The following WWOX variants were observed in gnomAD, a reference collection of about 807,000 sequenced individuals.
The protein encoded by WWOX is WW domain-containing oxidoreductase.
In WWOX, 69 loss-of-function variants were observed where a neutral mutation model predicts 46.2. That is an observed-to-expected ratio of 1.49 (90% CI 1.23 to 1.82). The LOEUF is 1.82. WWOX is among the 40% of genes most tolerant of loss of function. The pLI is 0.00. For missense variants in WWOX, 919 were observed against 542.6 expected (o/e 1.69, Z -6.89); for synonymous variants, 359 against 202.6 (o/e 1.77, Z -6.56).
intron 8 of WWOX, among the ~76,000 whole-genome samples, chr16:78,526,871 G>C (rs1406583013): frequency 6.6e-6 from 1 of 152,166 alleles, no homozygotes; most frequent in East Asian, 1.9e-4. Context: ...GCCTGGCCCA[G>C]TGTGCCAGCG....
At chr16:79,040,329 C>T (rs150896172) in intron 8 of WWOX, among the ~76,000 whole-genome samples, 35 of 146,068 alleles carry the variant, frequency 2.4e-4, no homozygotes, top group African/African-American at 6.9e-4. Flanking sequence ...GACTGGAGTG[C>T]GGTGGTGCGA....
intron 8 of WWOX, among the ~76,000 whole-genome samples, chr16:78,712,806 G>C (rs1418572945): frequency 6.6e-6 from 1 of 152,138 alleles, no homozygotes; most frequent in Non-Finnish European, 1.5e-5. Context: ...AACTGTTAGA[G>C]TAATAGCGTA....
At chr16:78,475,736 C>G (rs1389662624) in intron 8 of WWOX, among the ~76,000 whole-genome samples, 2 of 152,150 alleles carry the variant, frequency 1.3e-5, no homozygotes, top group African/African-American at 4.8e-5. Flanking sequence ...GCTGGGATTA[C>G]AGGCATGTGC....
At chr16:78,995,139 T>C (rs1224399522) in intron 8 of WWOX, among the ~76,000 whole-genome samples, 9 of 152,088 alleles carry the variant, frequency 5.9e-5, no homozygotes, top group Non-Finnish European at 1.0e-4. Context: ...CACTCCTTTT[T>C]GTGACTTAGC....
Position 79,111,758 on chromosome 16 carries a change from A to G in WWOX, c.1057-99850A>G, listed in dbSNP as rs191488046. 1.1e-4 allele frequency among the ~76,000 whole-genome samples: 17 copies of G among 152,340 alleles called. No homozygotes were observed. The East Asian group carries it at 3.3e-3, about 29-fold the overall frequency. ...CAAAAGTATTTAGGCTCATCATATT[A>G]GAATTTCATCCAAAGAACAATTGAT... On this transcript the variant is annotated intron_variant, in intron 8 of 8. Coordinates refer to ENST00000566780, the MANE Select transcript of WWOX (RefSeq NM_016373.4).
At position 78,876,028 on chromosome 16, in the gene WWOX, C is replaced by T. The variant is rs564578000; in HGVS notation, c.1057-335580C>T. ...TCCCACCCTCTCTTATTTTTATAAA[C>T]AGGCTCCATGGTACTATATACACTG... On this transcript the variant is annotated intron_variant, in intron 8 of 8. Transcript: ENST00000566780. 5.6e-4 allele frequency among the ~76,000 whole-genome samples: 86 copies of T among 152,224 alleles called. 2 individuals carry two copies. The South Asian group carries it at 0.017, about 30-fold the overall frequency.
chr16:78,995,696 T>G (rs2046976304), intron 8 of WWOX, among the ~76,000 whole-genome samples: 2 of 152,184 alleles, frequency 1.3e-5, no homozygotes, highest in Admixed American at 1.3e-4. Context: ...TCAGGACTGG[T>G]AAAGTGTGAA....
intron 5 of WWOX, among the ~76,000 whole-genome samples, chr16:78,357,551 A>G (rs755309859): frequency 4.6e-5 from 7 of 152,192 alleles, no homozygotes; most frequent in Non-Finnish European, 1.0e-4. Flanking sequence ...AGAATTGGGC[A>G]TAATCAGAGA....
chr16:78,706,079 T>TTTTTG, intron 8 of WWOX, among the ~76,000 whole-genome samples: 1 of 150,218 alleles, frequency 6.7e-6, no homozygotes, highest in African/African-American at 2.4e-5. Flanking sequence ...TTTTTTTTTT[T>TTTTTG]GACTAAATTC....
At chr16:79,141,990 C>A (rs1160636941) in intron 8 of WWOX, among the ~76,000 whole-genome samples, 1 of 152,190 alleles carries the variant, frequency 6.6e-6, no homozygotes, top group African/African-American at 2.4e-5. Flanking sequence ...ACACGGTGTT[C>A]TCCAAACTGC....
chr16:78,977,336 G>C (rs796764375), intron 8 of WWOX, among the ~76,000 whole-genome samples: 5 of 152,148 alleles, frequency 3.3e-5, no homozygotes, highest in African/African-American at 1.2e-4. Context: ...ATCCTCCAGA[G>C]GCCTGAGATC....
At chr16:79,120,579 G>T (rs1156658527) in intron 8 of WWOX, among the ~76,000 whole-genome samples, 1 of 152,178 alleles carries the variant, frequency 6.6e-6, no homozygotes, top group East Asian at 1.9e-4. Flanking sequence ...TTTGCTCACG[G>T]TGTTGGAGCC....
intron 8 of WWOX, among the ~76,000 whole-genome samples, chr16:79,056,816 G>A (rs1201518136): frequency 1.3e-5 from 2 of 152,158 alleles, no homozygotes; most frequent in African/African-American, 2.4e-5. Context: ...TTTCTTTAAA[G>A]GACAAATATC....
chr16:78,651,786 C>T (rs2046971153), intron 8 of WWOX, among the ~76,000 whole-genome samples: 1 of 152,168 alleles, frequency 6.6e-6, no homozygotes, highest in Non-Finnish European at 1.5e-5. Context: ...GAACGAGACA[C>T]TGTTGGATGG....
intron 8 of WWOX, among the ~76,000 whole-genome samples, chr16:79,175,522 A>G (rs965644179): frequency 1.3e-5 from 2 of 152,154 alleles, no homozygotes; most frequent in South Asian, 2.1e-4. Flanking sequence ...TACTAGGTAG[A>G]TTTCTCACTT....
chr16:78,403,228 G>C (rs1427692213), intron 6 of WWOX, among the ~76,000 whole-genome samples: 7 of 152,160 alleles, frequency 4.6e-5, no homozygotes, highest in African/African-American at 1.7e-4. Flanking sequence ...TAAGTTGTAA[G>C]TTGTAAATTC....
chr16:79,155,325 G>A (rs182670036), intron 8 of WWOX, among the ~76,000 whole-genome samples: 2 of 152,256 alleles, frequency 1.3e-5, no homozygotes, highest in East Asian at 3.9e-4. Flanking sequence ...GCAGTGAGCT[G>A]AGATCACGCC....
rs533358286 is a variant in WWOX at position 78,454,173 on chromosome 16, T to G, written c.1056+21421T>G. Reference sequence around the variant, plus strand: ...CGGGCATACTCCTAATCTAATTGTTTCCCAAACTTTCAATGTTTTGGATGA... The same window carrying G: ...CGGGCATACTCCTAATCTAATTGTTGCCCAAACTTTCAATGTTTTGGATGA... On this transcript the variant is annotated intron_variant, in intron 8 of 8. Coordinates refer to ENST00000566780, the MANE Select transcript of WWOX (RefSeq NM_016373.4). Among the ~76,000 whole-genome samples, 5 of 152,332 alleles carry G rather than the reference T, an allele frequency of 3.3e-5. No homozygotes were observed. In the South Asian group the frequency reaches 8.3e-4, roughly 25 times the overall value.
In WWOX at chr16:78,330,159, T is replaced by C. The variant is rs189345066; in HGVS notation, c.517-56701T>C. ...AACGTTTGAAAACATTCCTTAAAAA[T>C]TGAAGTTATAGCATACTAACAAGTG... On this transcript the variant is annotated intron_variant, in intron 5 of 8. Coordinates refer to ENST00000566780, the MANE Select transcript of WWOX (RefSeq NM_016373.4). 3.1e-3 allele frequency among the ~76,000 whole-genome samples: 471 copies of C among 152,286 alleles called. 4 individuals carry two copies. The highest frequency in any genetic ancestry group is 0.01 in the African/African-American group (421 of 41,564).
Sources: allele counts gnomAD v4.1 joint callset (sites outside exome capture counted in the v4.1 genomes callset), GRCh38; gene constraint gnomAD v4.1.1; transcripts MANE v1.5; gene names NCBI Gene and HGNC (gene_info 2026-07-23, HGNC 2026-07-21).